Variants in FOXN3 observed in about 807,000 individuals in gnomAD.
FOXN3 encodes forkhead box N3, also known as forkhead box protein N3.
A neutral mutation model predicts 38.4 loss-of-function variants in FOXN3; 7 were observed. The ratio of observed to expected loss-of-function variants is 0.18; its 90% CI spans 0.10 to 0.34. FOXN3 has a LOEUF of 0.34. FOXN3 is among the 10% of genes least tolerant of loss of function. The pLI is 1.00. For missense variants in FOXN3, 456 were observed against 613.4 expected (o/e 0.74, Z 2.71); for synonymous variants, 230 against 242.2 (o/e 0.95, Z 0.47).
chr14:89,174,112 A>C (rs1243506833), intron 5 of FOXN3, among the ~76,000 whole-genome samples: 1 of 152,228 alleles, frequency 6.6e-6, no homozygotes, highest in Non-Finnish European at 1.5e-5. Context: ...TACAAGTTGC[A>C]TAAAATACTT....
chr14:89,465,281 G>A (rs1892954116), intron 1 of FOXN3, among the ~76,000 whole-genome samples: 1 of 152,130 alleles, frequency 6.6e-6, no homozygotes, highest in Non-Finnish European at 1.5e-5. Context: ...CCAGGCTGGA[G>A]TGCAGTCGCA....
chr14:89,265,569 G>T (rs138389721), intron 4 of FOXN3, among the ~76,000 whole-genome samples: 211 of 152,240 alleles, frequency 1.4e-3, no homozygotes, highest in African/African-American at 4.5e-3. Context: ...TGAATGAACT[G>T]GGGGGATGGA....
chr14:89,517,348 C>T (rs1894227497), intron 1 of FOXN3, among the ~76,000 whole-genome samples: 1 of 128,062 alleles, frequency 7.8e-6, no homozygotes, highest in Non-Finnish European at 1.6e-5. Context: ...GAAAGAGACC[C>T]TGTCTTAAAA....
intron 1 of FOXN3, among the ~76,000 whole-genome samples, chr14:89,505,335 G>C (rs940465144): frequency 1.4e-4 from 21 of 150,360 alleles, no homozygotes; most frequent in African/African-American, 5.2e-4. Context: ...GCCGAGGCTG[G>C]ACTGTGCTGC....
chr14:89,457,193 T>C lies in FOXN3; in HGVS notation c.-14-44703A>G, dbSNP rs114578695. Among the ~76,000 whole-genome samples the C allele has an allele frequency of 7.4e-3, 1,134 of 152,306 alleles. 9 individuals carry two copies. Among genetic ancestry groups the C allele is most frequent in the African/African-American group, 0.026 (1,084 of 41,580 alleles). ...TCCTGTCTCTCCATGCAAGCAGCTT[T>C]AGTCAGGATATTGTCAGTTGGTGCA... On this transcript the variant is annotated intron_variant, in intron 1 of 6. Transcript: ENST00000345097.
intron 3 of FOXN3, among the ~76,000 whole-genome samples, chr14:89,325,301 ACACCACCACCACGAC>A (rs1888032607): frequency 5.0e-5 from 4 of 80,254 alleles, no homozygotes; most frequent in African/African-American, 1.4e-4. Context: ...ACCAACACCA[ACACCACCACCACGAC>A]CACCACCACC....
intron 1 of FOXN3, among the ~76,000 whole-genome samples, chr14:89,525,844 T>G (rs1894422485): frequency 6.6e-6 from 1 of 152,072 alleles, no homozygotes; most frequent in Non-Finnish European, 1.5e-5. Context: ...ATATCTCTCA[T>G]GAATATACAC....
At chr14:89,509,323 T>TTG (rs1258160358) in intron 1 of FOXN3, among the ~76,000 whole-genome samples, 5 of 82,938 alleles carry the variant, frequency 6.0e-5, no homozygotes, top group South Asian at 4.1e-4. Context: ...TACAGTTTTT[T>TTG]TTGTTGTTGT....
chr14:89,463,041 A>C (rs1892881086), intron 1 of FOXN3, among the ~76,000 whole-genome samples: 1 of 150,342 alleles, frequency 6.7e-6, no homozygotes, highest in South Asian at 2.2e-4. Context: ...CTGTAATCCC[A>C]GCACTTTGGG....
At chr14:89,516,036 T>G (rs867982354) in intron 1 of FOXN3, among the ~76,000 whole-genome samples, 1 of 152,098 alleles carries the variant, frequency 6.6e-6, no homozygotes, top group Non-Finnish European at 1.5e-5. Context: ...CCACCAGGTG[T>G]GGAGGGAAAA....
intron 4 of FOXN3, among the ~76,000 whole-genome samples, chr14:89,212,730 C>A (rs1884139105): frequency 6.6e-6 from 1 of 152,176 alleles, no homozygotes; most frequent in African/African-American, 2.4e-5. Flanking sequence ...CTGCCTCAAC[C>A]CCTTAAACTA....
In FOXN3 at chr14:89,215,199, A is replaced by ATTT. The variant is rs11442203; in HGVS notation, c.746-34396_746-34394dup. 8.2e-5 allele frequency among the ~76,000 whole-genome samples: 12 copies of ATTT among 145,938 alleles called. 1 individual carries two copies. Among genetic ancestry groups the ATTT allele is most frequent in the African/African-American group, 1.8e-4 (7 of 39,918 alleles). On this transcript the variant is annotated intron_variant, in intron 4 of 5. Transcript: ENST00000557258. ...AGATTCTATTTGGGGAAGGAACCCA[A>ATTT]TTTTTTTTTTTTTGTCTGGGTTAGA... is the stretch of plus-strand genomic sequence containing the variant.
chr14:89,562,037 G>A (rs1246978197), intron 1 of FOXN3, among the ~76,000 whole-genome samples: 2 of 152,138 alleles, frequency 1.3e-5, no homozygotes, highest in Non-Finnish European at 2.9e-5. Flanking sequence ...AGAAAATAGG[G>A]ATGGGTAGAC....
At chr14:89,566,378 T>C (rs1416479262) in intron 1 of FOXN3, among the ~76,000 whole-genome samples, 2 of 152,234 alleles carry the variant, frequency 1.3e-5, no homozygotes, top group East Asian at 1.9e-4. Flanking sequence ...AAATTTAGCA[T>C]TGTCAGCATT....
At chr14:89,225,522 T>C (rs1450943633) in intron 4 of FOXN3, among the ~76,000 whole-genome samples, 4 of 151,942 alleles carry the variant, frequency 2.6e-5, no homozygotes, top group Non-Finnish European at 5.9e-5. Flanking sequence ...GAGAATGGCG[T>C]GAACCCAGGA....
At chr14:89,608,956 T>C (rs930193077) in intron 1 of FOXN3, among the ~76,000 whole-genome samples, 3 of 152,214 alleles carry the variant, frequency 2.0e-5, no homozygotes, top group Non-Finnish European at 4.4e-5. Context: ...GCATTTTCTC[T>C]GTACATTGGA....
intron 2 of FOXN3, among the ~76,000 whole-genome samples, chr14:89,408,730 A>C (rs763354614): frequency 1.1e-4 from 17 of 151,948 alleles, no homozygotes; most frequent in Non-Finnish European, 1.6e-4. Flanking sequence ...CTTTCAGAAG[A>C]AAATTAAAAG....
At chr14:89,616,783 T>C (rs1896504114) in intron 1 of FOXN3, among the ~76,000 whole-genome samples, 1 of 152,212 alleles carries the variant, frequency 6.6e-6, no homozygotes, top group Non-Finnish European at 1.5e-5. Context: ...CTTGCACAGC[T>C]CAGAGGTAGC....
intron 4 of FOXN3, among the ~76,000 whole-genome samples, chr14:89,249,230 A>G (rs1190694507): frequency 1.3e-5 from 2 of 152,222 alleles, no homozygotes; most frequent in Non-Finnish European, 2.9e-5. Context: ...GCTACACAGT[A>G]TATTTACAGG....
Sources: gnomAD v4.1 joint callset for allele counts (sites outside exome capture counted in the v4.1 genomes callset) on GRCh38, gnomAD v4.1.1 for gene constraint, MANE v1.5 for transcripts, NCBI Gene and HGNC (gene_info 2026-07-23, HGNC 2026-07-21) for gene names.